Variants in SMG9 observed in about 807,000 individuals in gnomAD.
SMG9 encodes SMG9 nonsense mediated mRNA decay factor.
SMG9 carries 55 observed loss-of-function variants against 64.0 expected under a neutral mutation model. The observed-to-expected ratio is 0.86, with a 90% CI of 0.69 to 1.08. The LOEUF is 1.08. Among genes scored for constraint, SMG9 ranks in the 50% least tolerant of loss-of-function variants. SMG9 has a pLI of 0.00. For synonymous variants in SMG9, 244 were observed against 254.8 expected, an observed-to-expected ratio of 0.96 and a Z score of 0.41; for missense variants, 554 against 681.3, an observed-to-expected ratio of 0.81 and a Z score of 2.08.
chr19:43,738,097 C>G (rs2146372250), intron 8 of SMG9, 25 bp downstream of exon 8: 3 of 1,606,836 alleles, frequency 1.9e-6, no homozygotes, highest in South Asian at 1.1e-5. Flanking sequence ...AAACCTCAGT[C>G]CTGGGCCTGG....
intron 1 of SMG9, among the ~76,000 whole-genome samples, chr19:43,753,458 C>CTTTTTT (rs745479932): frequency 7.0e-4 from 83 of 118,518 alleles, no homozygotes; most frequent in East Asian, 1.2e-3. Flanking sequence ...GAATGCTTTT[C>CTTTTTT]TTTTTTTTTT....
At chr19:43,732,097 G>T (rs1968504511) in intron 13 of SMG9, among the ~76,000 whole-genome samples, 1 of 152,220 alleles carries the variant, frequency 6.6e-6, no homozygotes, top group Non-Finnish European at 1.5e-5. Flanking sequence ...CAGGAGCAGA[G>T]CTGGGACTCA....
At chr19:43,736,590 G>C (rs905967445) in intron 9 of SMG9, among the ~76,000 whole-genome samples, 2 of 152,202 alleles carry the variant, frequency 1.3e-5, no homozygotes, top group African/African-American at 2.4e-5. Flanking sequence ...TGAAGGAGAT[G>C]AACAGCAAAA....
At chr19:43,742,956 TC>T (rs1968887191) in intron 6 of SMG9, among the ~76,000 whole-genome samples, 1 of 151,898 alleles carries the variant, frequency 6.6e-6, no homozygotes, top group African/African-American at 2.4e-5. Context: ...GGCATGGTAG[TC>T]CCAGCTACTC....
intron 9 of SMG9, among the ~76,000 whole-genome samples, chr19:43,735,234 T>C (rs1968618318): frequency 6.6e-6 from 1 of 152,228 alleles, no homozygotes; most frequent in Non-Finnish European, 1.5e-5. Context: ...TTCCATTGTC[T>C]AGATGTGCCA....
At chr19:43,750,781 G>A (rs1969171420) in intron 1 of SMG9, 34 bp from the exon 2 acceptor site, 1 of 1,578,938 alleles carries the variant, frequency 6.3e-7, no homozygotes, top group African/African-American at 1.4e-5. Flanking sequence ...CAGGATGACA[G>A]AGTCTCTTCC....
intron 6 of SMG9, among the ~76,000 whole-genome samples, chr19:43,743,911 G>A (rs543146651): frequency 2.0e-5 from 3 of 152,304 alleles, no homozygotes; most frequent in Admixed American, 2.0e-4. Context: ...ACAGATCCCT[G>A]TATTTTTAGG....
In SMG9 at chr19:43,747,955, C is replaced by G. The variant is rs201900509; in HGVS notation, c.225+23G>C. 6.8e-6 allele frequency: 11 copies of G among 1,614,212 alleles called. No individual in the cohort carries two copies. In the East Asian group the frequency reaches 2.2e-4, roughly 33 times the overall value. ...GCAATCCCTTCCCTAACGGCTCCCC[C>G]TCCTCCCTCCTTCTCTGCTCACCCG... On this transcript the variant is annotated intron_variant, in intron 3 of 13. Coordinates refer to ENST00000270066, the MANE Select transcript of SMG9 (RefSeq NM_019108.4).
intron 8 of SMG9, 35 bp from the exon 9 acceptor site, chr19:43,737,717 C>T (rs769594980): frequency 1.2e-6 from 2 of 1,603,434 alleles, no homozygotes; most frequent in Admixed American, 1.7e-5. Flanking sequence ...AGGTGAGGAC[C>T]TCTTCTGCCC....
Position 43,729,479 on chromosome 19 carries a change from TTC to T in SMG9, c.*2115_*2116del, listed in dbSNP as rs1276478349. On this transcript the variant is annotated 3_prime_UTR_variant, in exon 14 of 14. Coordinates refer to ENST00000270066, the MANE Select transcript of SMG9 (RefSeq NM_019108.4). ...GTAGGTTAGGGCTGGGAGGGCACAG[TTC>T]TCTCTGTCCCCAGCCTTGTGCTGAA... 1 of 152,270 alleles carries T rather than the reference TTC, an allele frequency of 6.6e-6. No individual in the cohort carries two copies. The highest frequency in any genetic ancestry group is 2.4e-5 in the African/African-American group (1 of 41,430). 9.4% of individuals were successfully genotyped at this position (152,270 alleles called of 1,614,324 possible). A position where few individuals can be genotyped will look rare whatever the true frequency, so the allele number is the denominator to read the frequency against.
chr19:43,731,718 C>T lies in SMG9; in HGVS notation c.1485-44G>A, dbSNP rs762870125. 2.5e-6 allele frequency: 4 copies of T among 1,613,356 alleles called. No individual in the cohort carries two copies. The African/African-American group carries it at 5.3e-5, about 22-fold the overall frequency. Reference sequence around the variant, plus strand: ...TCAGGGCTGCCTGGCCGGGGCTCCCCCCAGCCCAGCACCAACCCGGGACAG... The same window carrying T: ...TCAGGGCTGCCTGGCCGGGGCTCCCTCCAGCCCAGCACCAACCCGGGACAG... On this transcript the variant is annotated intron_variant, in intron 13 of 13. Transcript: ENST00000270066.
At chr19:43,737,567 T>TGGGCG in intron 9 of SMG9, 30 bp downstream of exon 9, 1 of 1,597,090 alleles carries the variant, frequency 6.3e-7, no homozygotes, top group African/African-American at 1.3e-5. Context: ...TCATTCCTCC[T>TGGGCG]CCCCACCCTC....
intron 9 of SMG9, among the ~76,000 whole-genome samples, chr19:43,735,640 T>TAAAA (rs1968641182): frequency 7.5e-6 from 1 of 133,290 alleles, no homozygotes; most frequent in South Asian, 2.3e-4. Flanking sequence ...AAAAAAAAAA[T>TAAAA]CTGTGTGGTT....
chr19:43,739,149 G>A (rs528595874), intron 7 of SMG9, among the ~76,000 whole-genome samples: 87 of 152,352 alleles, frequency 5.7e-4, no homozygotes, highest in Non-Finnish European at 1.0e-3. Flanking sequence ...ACAGTGGAAG[G>A]GGAGGGCTTC....
At chr19:43,733,183 G>C (rs1258094633) in intron 12 of SMG9, 141 bp downstream of exon 12, 1 of 1,369,740 alleles carries the variant, frequency 7.3e-7, no homozygotes. Flanking sequence ...AACAAACCAG[G>C]ATCTTCTCTC....
intron 8 of SMG9, 53 bp downstream of exon 8, chr19:43,738,069 G>A: frequency 6.5e-7 from 1 of 1,529,922 alleles, no homozygotes; most frequent in Non-Finnish European, 9.1e-7. Context: ...ATCTTGGGAG[G>A]ATGGGGGTGG....
chr19:43,737,211 T>G (rs1968697595), intron 9 of SMG9, among the ~76,000 whole-genome samples: 1 of 152,074 alleles, frequency 6.6e-6, no homozygotes, highest in Non-Finnish European at 1.5e-5. Flanking sequence ...AGATGGAGAC[T>G]GCAGTGAGCC....
Position 43,729,907 on chromosome 19 carries a change from C to T in SMG9, c.*1689G>A, listed in dbSNP as rs529968905. ...GGGGAGGCTCCTTGCCTACTACAGT[C>T]GGTCAGGAAGTGGCTGTGCCAGAGC... On this transcript the variant is annotated 3_prime_UTR_variant, in exon 14 of 14. Transcript: ENST00000270066. 1.4e-4 allele frequency: 21 copies of T among 152,480 alleles called. 1 individual carries two copies. Among genetic ancestry groups the T allele is most frequent in the Admixed American group, 9.2e-4 (14 of 15,300 alleles). The allele number at this position is 152,480 out of a possible 1,614,324, so 9.4% of individuals were successfully genotyped here. A position where few individuals can be genotyped will look rare whatever the true frequency, so the allele number is the denominator to read the frequency against.
chr19:43,731,365 A>C lies in SMG9; in HGVS notation c.*231T>G, dbSNP rs9612. On this transcript the variant is annotated 3_prime_UTR_variant, in exon 14 of 14. Coordinates refer to ENST00000270066, the MANE Select transcript of SMG9 (RefSeq NM_019108.4). ...CCCTGTGGAGGACACAGGACGGGCT[A>C]CCCCATCTCAGGTTTGGGGTGGGAT... is the stretch of plus-strand genomic sequence containing the variant. The C allele has an allele frequency of 7.4e-7, 1 of 1,352,596 alleles. No individual in the cohort carries two copies. 83.8% of individuals were successfully genotyped at this position (1,352,596 alleles called of 1,614,324 possible).
Sources: gnomAD v4.1 joint callset for allele counts (sites outside exome capture counted in the v4.1 genomes callset) on GRCh38, gnomAD v4.1.1 for gene constraint, MANE v1.5 for transcripts, NCBI Gene and HGNC (gene_info 2026-07-23, HGNC 2026-07-21) for gene names.